The following TMIGD3 variants were observed in gnomAD, a reference collection of about 807,000 sequenced individuals.
TMIGD3 encodes transmembrane and immunoglobulin domain containing 3.
A neutral mutation model predicts 28.1 loss-of-function variants in TMIGD3; 21 were observed. The observed-to-expected ratio is 0.75, with a 90% CI of 0.53 to 1.08. TMIGD3 has a LOEUF of 1.08. Ranked by LOEUF, TMIGD3 falls within the 50% of genes least tolerant of loss-of-function variation. TMIGD3 has a pLI of 0.00. For synonymous variants in TMIGD3, 151 were observed against 162.1 expected, an observed-to-expected ratio of 0.93 and a Z score of 0.52; for missense variants, 416 against 435.6, an observed-to-expected ratio of 0.96 and a Z score of 0.40.
chr1:111,507,006 C>CGTGTGT (rs1557827871), upstream of TMIGD3, among the ~76,000 whole-genome samples: 3 of 119,894 alleles, frequency 2.5e-5, no homozygotes, highest in African/African-American at 9.5e-5. Flanking sequence ...TATACACACA[C>CGTGTGT]ATATGTGTGT....
chr1:111,491,088 G>A (rs1307395914), intron 1 of TMIGD3, among the ~76,000 whole-genome samples: 1 of 152,204 alleles, frequency 6.6e-6, no homozygotes, highest in Non-Finnish European at 1.5e-5. Flanking sequence ...CATCATCAGA[G>A]GCCACTCCTT....
chr1:111,507,145 G>A (rs892160244), upstream of TMIGD3, among the ~76,000 whole-genome samples: 5 of 151,664 alleles, frequency 3.3e-5, no homozygotes, highest in African/African-American at 1.2e-4. Flanking sequence ...AGAAGAGGCT[G>A]GGTGTGGTGG....
intron 1 of TMIGD3, among the ~76,000 whole-genome samples, chr1:111,522,733 G>A (rs1656118748): frequency 6.6e-6 from 1 of 151,946 alleles, no homozygotes; most frequent in Non-Finnish European, 1.5e-5. Flanking sequence ...GGTCAGGCTG[G>A]TCTCGAACTC....
At chr1:111,484,983 A>G (rs1249347716) in intron 5 of TMIGD3, among the ~76,000 whole-genome samples, 1 of 152,192 alleles carries the variant, frequency 6.6e-6, no homozygotes, top group Non-Finnish European at 1.5e-5. Context: ...GAACAGTAAG[A>G]CCAGCCTTGT....
intron 2 of TMIGD3, chr1:111,490,444 G>A: frequency 1.8e-6 from 1 of 562,266 alleles, no homozygotes; most frequent in Non-Finnish European, 3.2e-6. Context: ...TTTTAGTCAA[G>A]CTTTTCAATT....
At chr1:111,526,042 G>C (rs1656250550) in intron 1 of TMIGD3, among the ~76,000 whole-genome samples, 1 of 151,470 alleles carries the variant, frequency 6.6e-6, no homozygotes. Context: ...CTGTTCTTGG[G>C]TTCTTTTTCC....
chr1:111,500,839 TGCCTAGAG>T, intron 1 of TMIGD3: 2 of 511,084 alleles, frequency 3.9e-6, no homozygotes, highest in Admixed American at 3.5e-5. Flanking sequence ...AGGAGGATGT[TGCCTAGAG>T]TCAAGTGCTT....
intron 1 of TMIGD3, among the ~76,000 whole-genome samples, chr1:111,520,135 A>C (rs1409143905): frequency 6.6e-6 from 1 of 152,226 alleles, no homozygotes; most frequent in Admixed American, 6.5e-5. Context: ...AACAACTAAT[A>C]GTAAATTCTG....
intron 1 of TMIGD3, among the ~76,000 whole-genome samples, chr1:111,551,099 T>C (rs1390570069): frequency 2.6e-5 from 4 of 152,224 alleles, no homozygotes; most frequent in African/African-American, 9.6e-5. Context: ...TCTTTTCTCA[T>C]TCTTTTACTT....
intron 5 of TMIGD3, 111 bp downstream of exon 5, chr1:111,485,629 G>A (rs1654326642): frequency 1.2e-6 from 1 of 825,106 alleles, no homozygotes; most frequent in Non-Finnish European, 1.9e-6. Context: ...TGGTCTCCAG[G>A]TGACCAGGCA....
chr1:111,518,447 A>T (rs1320394656), intron 1 of TMIGD3, among the ~76,000 whole-genome samples: 1 of 152,180 alleles, frequency 6.6e-6, no homozygotes, highest in East Asian at 1.9e-4. Context: ...CTGCCCACTA[A>T]ATGCCAGTAG....
chr1:111,531,542 T>C lies in TMIGD3; in HGVS notation c.107+32304A>G, dbSNP rs535012310. On this transcript the variant is annotated intron_variant, in intron 1 of 5. Coordinates refer to the TMIGD3 transcript ENST00000369717. ...ATAACTACTACTAAACGTTGTCTACTAATTCTATCAAGTGTGTCATTTCTG... is the reference window on the plus strand; with the variant it reads ...ATAACTACTACTAAACGTTGTCTACCAATTCTATCAAGTGTGTCATTTCTG... Among the ~76,000 whole-genome samples the C allele has an allele frequency of 2.6e-4, 39 of 152,326 alleles. 1 individual carries two copies. The highest frequency in any genetic ancestry group is 1.5e-4 in the Non-Finnish European group (10 of 68,024).
intron 1 of TMIGD3, among the ~76,000 whole-genome samples, chr1:111,546,988 A>T (rs1657057182): frequency 6.6e-6 from 1 of 152,178 alleles, no homozygotes; most frequent in Admixed American, 6.5e-5. Context: ...TAAGGAGTGT[A>T]AAGTGGAACA....
upstream of TMIGD3, chr1:111,505,050 C>T (rs1407737149): frequency 1.0e-6 from 1 of 976,150 alleles, no homozygotes; most frequent in Non-Finnish European, 1.2e-6. Context: ...AATGTTTCTA[C>T]TGTAATTGTT....
upstream of TMIGD3, among the ~76,000 whole-genome samples, chr1:111,508,051 A>G (rs971723835): frequency 1.3e-5 from 2 of 152,236 alleles, no homozygotes; most frequent in African/African-American, 2.4e-5. Flanking sequence ...TCTGAGCACA[A>G]GGAGTTTCAC....
intron 4 of TMIGD3, 36 bp downstream of exon 4, chr1:111,486,550 C>T: frequency 1.3e-6 from 2 of 1,547,564 alleles, no homozygotes; most frequent in Non-Finnish European, 8.9e-7. Flanking sequence ...CACCCCACCG[C>T]CCCAAGCCCA....
At chr1:111,496,452 G>C (rs1327873632) in intron 1 of TMIGD3, among the ~76,000 whole-genome samples, 2 of 152,128 alleles carry the variant, frequency 1.3e-5, no homozygotes, top group African/African-American at 4.8e-5. Context: ...TGGTGCCTTG[G>C]ATTCCTACAT....
At chr1:111,524,745 G>A (rs569338466) in intron 1 of TMIGD3, among the ~76,000 whole-genome samples, 13 of 151,996 alleles carry the variant, frequency 8.6e-5, no homozygotes, top group Non-Finnish European at 1.3e-4. Context: ...TCAGCCTCTC[G>A]AGTAGCTGGG....
intron 1 of TMIGD3, among the ~76,000 whole-genome samples, chr1:111,533,540 T>C (rs1656523471): frequency 6.6e-6 from 1 of 152,210 alleles, no homozygotes; most frequent in Non-Finnish European, 1.5e-5. Context: ...ACTTACACAT[T>C]ACTTACGGTA....
Sources: allele counts gnomAD v4.1 joint callset (sites outside exome capture counted in the v4.1 genomes callset), GRCh38; gene constraint gnomAD v4.1.1; transcripts MANE v1.5; gene names NCBI Gene and HGNC (gene_info 2026-07-23, HGNC 2026-07-21).